MYOF: variants seen among roughly 807,000 people sequenced by gnomAD.
MYOF encodes the protein fer-1-like 3, myoferlin.
A neutral mutation model predicts 284.2 loss-of-function variants in MYOF; 244 were observed. The ratio of observed to expected loss-of-function variants is 0.86; its 90% CI spans 0.77 to 0.95. The LOEUF (loss-of-function observed/expected upper bound fraction) is 0.95, where lower values mean the gene tolerates loss of function less well. Ranked by LOEUF, MYOF falls within the 40% of genes least tolerant of loss-of-function variation. The pLI is 0.00. For synonymous variants in MYOF, 904 were observed against 919.7 expected, an observed-to-expected ratio of 0.98 and a Z score of 0.31; for missense variants, 2,496 against 2,560.6, an observed-to-expected ratio of 0.97 and a Z score of 0.54.
At chr10:93,452,179 A>T (rs2056610935) in intron 2 of MYOF, 38 bp from the exon 3 acceptor site, 5 of 1,436,546 alleles carry the variant, frequency 3.5e-6, no homozygotes, top group Non-Finnish European at 4.8e-6. Context: ...AGAAAAAAAA[A>T]GGCTGTTAGA....
chr10:93,353,875 G>A lies in MYOF; in HGVS notation c.3417C>T (p.Tyr1139=). 2 of 1,608,054 alleles carry A rather than the reference G, an allele frequency of 1.2e-6. No homozygotes were observed. Among genetic ancestry groups the A allele is most frequent in the Non-Finnish European group, 1.7e-6 (2 of 1,175,864 alleles). ...VSCNFDRVYI[Y]HLRCYVYQAR... is the part of the protein sequence containing the mutation. ...CTTGATAGACATAGCAGCGCAGATG[G>A]TAGATGTAGACTCCTAAAAAAACAG... The change falls in exon 32 of 54, where the codon TAC becomes TAT. Residue 1139 remains tyrosine (Y), a synonymous_variant. Coordinates refer to ENST00000359263, the MANE Select transcript of MYOF (RefSeq NM_013451.4).
chr10:93,329,637 G>A (rs1843214151), intron 44 of MYOF, 27 bp downstream of exon 44: 3 of 1,611,764 alleles, frequency 1.9e-6, no homozygotes, highest in Non-Finnish European at 2.5e-6. Context: ...GCAGCAAAGT[G>A]CCTCTTGTAC....
Position 93,385,248 on chromosome 10 carries a change from C to G in MYOF, c.1698+2549G>C, listed in dbSNP as rs1846310041. Among the ~76,000 whole-genome samples the G allele has an allele frequency of 2.0e-5, 3 of 152,172 alleles. No individual in the cohort carries two copies. In the South Asian group the frequency reaches 6.2e-4, roughly 32 times the overall value. On this transcript the variant is annotated intron_variant, in intron 19 of 53. Coordinates refer to ENST00000359263, the MANE Select transcript of MYOF (RefSeq NM_013451.4). ...GAAGCCAGCGGGTATTAGAATAACA[C>G]TGGGTTGGCAACACTTGATCTTCTG... is the stretch of plus-strand genomic sequence containing the variant.
In MYOF at chr10:93,355,783, T is replaced by C. The variant is rs766650489; in HGVS notation, c.3295-47A>G. 5 of 1,437,830 alleles carry C rather than the reference T, an allele frequency of 3.5e-6. No homozygotes were observed. The South Asian group carries it at 5.8e-5, about 17-fold the overall frequency. The allele number at this position is 1,437,830 out of a possible 1,614,324, so 89.1% of individuals were successfully genotyped here. A position where few individuals can be genotyped will look rare whatever the true frequency, so the allele number is the denominator to read the frequency against. On this transcript the variant is annotated intron_variant, in intron 30 of 53. Coordinates refer to ENST00000359263, the MANE Select transcript of MYOF (RefSeq NM_013451.4). Reference sequence around the variant, plus strand: ...AATTAGCAGAGAAGTCAATAAACACTGCCTAAAAGCAAATCAACCAACCAA... The same window carrying C: ...AATTAGCAGAGAAGTCAATAAACACCGCCTAAAAGCAAATCAACCAACCAA...
intron 46 of MYOF, among the ~76,000 whole-genome samples, chr10:93,324,037 T>G (rs1589386921): frequency 6.6e-6 from 1 of 152,182 alleles, no homozygotes; most frequent in Non-Finnish European, 1.5e-5. Context: ...GGTAAGTGGC[T>G]AGCAGGAAGG....
intron 1 of MYOF, among the ~76,000 whole-genome samples, chr10:93,467,503 G>A (rs531796303): frequency 1.3e-5 from 2 of 152,180 alleles, no homozygotes; most frequent in East Asian, 3.9e-4. Flanking sequence ...TGGAGAAATA[G>A]GAACACTTTT....
At chr10:93,336,927 G>C (rs1259745188) in intron 40 of MYOF, among the ~76,000 whole-genome samples, 1 of 148,492 alleles carries the variant, frequency 6.7e-6, no homozygotes, top group African/African-American at 2.5e-5. Flanking sequence ...GGAAGGAAAG[G>C]AAGGAAGGAA....
At chr10:93,424,584 C>T (rs568427484) in intron 5 of MYOF, among the ~76,000 whole-genome samples, 13 of 152,254 alleles carry the variant, frequency 8.5e-5, no homozygotes, top group South Asian at 8.3e-4. Context: ...AGGAAGAGGG[C>T]GATGGGCAGA....
chr10:93,393,941 C>A (rs1846826418), intron 16 of MYOF, among the ~76,000 whole-genome samples: 1 of 152,184 alleles, frequency 6.6e-6, no homozygotes, highest in South Asian at 2.1e-4. Flanking sequence ...TATAAATATT[C>A]TCTGCAGAGA....
chr10:93,482,162 A>G lies in MYOF; in HGVS notation c.33T>C (p.Asn11=). ...GCTTGCCAAATTTCGTTTTAGGGAT[A>G]TTGCTGGCAGATTCCACAATCACTC... is the stretch of plus-strand genomic sequence containing the variant. MLRVIVESAS[N]IPKTKFGKPD... is the part of the protein sequence containing the mutation. The change falls in exon 1 of 54, where the codon AAT becomes AAC. Residue 11 remains asparagine (N), a synonymous_variant. Transcript: ENST00000359263. 1 of 1,614,204 alleles carries G rather than the reference A, an allele frequency of 6.2e-7. No individual in the cohort carries two copies. The highest frequency in any genetic ancestry group is 8.5e-7 in the Non-Finnish European group (1 of 1,180,026).
intron 27 of MYOF, 29 bp from the exon 28 acceptor site, chr10:93,361,586 G>A (rs761400902): frequency 6.2e-7 from 1 of 1,611,700 alleles, no homozygotes. Flanking sequence ...AAACAAAGAA[G>A]AGAGGTAAGC....
chr10:93,451,451 C>A (rs977976897), intron 3 of MYOF, among the ~76,000 whole-genome samples: 13 of 152,072 alleles, frequency 8.5e-5, no homozygotes, highest in African/African-American at 1.2e-4. Context: ...ATACTAAGAT[C>A]ATTCTGTCCC....
intron 1 of MYOF, among the ~76,000 whole-genome samples, chr10:93,477,102 G>A (rs569044849): frequency 9.8e-5 from 15 of 152,288 alleles, no homozygotes; most frequent in African/African-American, 3.6e-4. Flanking sequence ...GAAAACCTCC[G>A]CTCAATCACC....
At chr10:93,473,410 C>T (rs971400466) in intron 1 of MYOF, among the ~76,000 whole-genome samples, 3 of 152,208 alleles carry the variant, frequency 2.0e-5, no homozygotes, top group Admixed American at 6.5e-5. Context: ...ATCTCATGCA[C>T]GAGACGCTGC....
intron 5 of MYOF, among the ~76,000 whole-genome samples, chr10:93,416,417 G>A (rs1055315414): frequency 5.9e-5 from 9 of 151,852 alleles, no homozygotes; most frequent in African/African-American, 1.2e-4. Context: ...CCAGCTACTC[G>A]GGAGGCTGAG....
intron 45 of MYOF, among the ~76,000 whole-genome samples, chr10:93,328,270 C>CA (rs1843143301): frequency 6.6e-6 from 1 of 152,150 alleles, no homozygotes; most frequent in Non-Finnish European, 1.5e-5. Flanking sequence ...CATAGTGTAG[C>CA]TAGCTGTTGA....
chr10:93,332,844 T>C (rs1843392524), intron 43 of MYOF, among the ~76,000 whole-genome samples: 1 of 151,080 alleles, frequency 6.6e-6, no homozygotes, highest in South Asian at 2.1e-4. Flanking sequence ...GACTCTGTCT[T>C]AAAAAAAAAT....
intron 3 of MYOF, among the ~76,000 whole-genome samples, chr10:93,450,147 A>G (rs1188015422): frequency 1.3e-5 from 2 of 152,164 alleles, no homozygotes; most frequent in African/African-American, 4.8e-5. Context: ...TAATCCCAGC[A>G]CTTTGGGAAG....
intron 50 of MYOF, among the ~76,000 whole-genome samples, chr10:93,316,315 C>CCT (rs1842608667): frequency 6.6e-6 from 1 of 151,192 alleles, no homozygotes; most frequent in African/African-American, 2.4e-5. Flanking sequence ...GGAGAATGGG[C>CCT]CTAGGGACAG....
Sources: allele counts gnomAD v4.1 joint callset (sites outside exome capture counted in the v4.1 genomes callset), GRCh38; gene constraint gnomAD v4.1.1; transcripts MANE v1.5; gene names NCBI Gene and HGNC (gene_info 2026-07-23, HGNC 2026-07-21).